ZNF451: variants seen among roughly 807,000 people sequenced by gnomAD.
ZNF451 encodes zinc finger protein 451.
A neutral mutation model predicts 107.1 loss-of-function variants in ZNF451; 80 were observed. The ratio of observed to expected loss-of-function variants is 0.75; its 90% CI spans 0.62 to 0.90. The LOEUF (loss-of-function observed/expected upper bound fraction) is 0.90. Among genes scored for constraint, ZNF451 ranks in the 40% least tolerant of loss-of-function variants. ZNF451 has a pLI of 0.00. For synonymous variants in ZNF451, 362 were observed against 406.5 expected, an observed-to-expected ratio of 0.89 and a Z score of 1.32; for missense variants, 1,107 against 1,236.2, an observed-to-expected ratio of 0.90 and a Z score of 1.57.
chr6:57,128,584 A>C (rs980738485), intron 4 of ZNF451, 145 bp from the exon 5 acceptor site: 4 of 607,754 alleles, frequency 6.6e-6, no homozygotes, highest in Non-Finnish European at 8.6e-6. Flanking sequence ...TTTTATTTTG[A>C]TGTATTTCTT....
chr6:57,147,261 C>G lies in ZNF451; in HGVS notation c.1176C>G (p.Asn392Lys). 1 of 1,614,084 alleles carries G rather than the reference C, an allele frequency of 6.2e-7. No homozygotes were observed. The highest frequency in any genetic ancestry group is 8.5e-7 in the Non-Finnish European group (1 of 1,179,988). The change falls in exon 10 of 15, where the codon AAC becomes AAG. Residue 392 changes from asparagine to lysine, a missense_variant. Around this residue, in one of 5 missense-constraint regions of ZNF451, gnomAD observed 608 missense variants for 649.2 expected, o/e 0.94. Transcript: ENST00000370706. ...QNSGHKVRVI[N>K]SVEESVLLYC... Reference sequence around the variant, plus strand: ...CAGGACACAAAGTCCGAGTCATTAACTCAGTGGAAGAATCAGTCTTACTCT... The same window carrying G: ...CAGGACACAAAGTCCGAGTCATTAAGTCAGTGGAAGAATCAGTCTTACTCT...
intron 4 of ZNF451, among the ~76,000 whole-genome samples, chr6:57,127,416 TG>T (rs1830982109): frequency 5.3e-5 from 8 of 152,226 alleles, no homozygotes. Flanking sequence ...ATTTGAACAA[TG>T]TTATGTAGAT....
chr6:57,138,723 A>ATGTGTGTG (rs1562615442), intron 7 of ZNF451, among the ~76,000 whole-genome samples: 3 of 116,988 alleles, frequency 2.6e-5, no homozygotes, highest in Non-Finnish European at 5.3e-5. Context: ...ATATATATAT[A>ATGTGTGTG]TATATATATA....
At chr6:57,102,135 C>G (rs1829629372) in intron 3 of ZNF451, 4 of 1,458,534 alleles carry the variant, frequency 2.7e-6, no homozygotes, top group South Asian at 1.5e-5. Flanking sequence ...CATTCAAGAT[C>G]CTAACTATTT....
At position 57,150,704 on chromosome 6, in the gene ZNF451, T is replaced by C. The variant is rs1012603297; in HGVS notation, c.2609-15T>C. 2.5e-6 allele frequency: 4 copies of C among 1,584,394 alleles called. No individual in the cohort carries two copies. Among genetic ancestry groups the C allele is most frequent in the African/African-American group, 1.4e-5 (1 of 73,276 alleles). On this transcript the variant is annotated splice_polypyrimidine_tract_variant and intron_variant, in intron 10 of 14. Transcript: ENST00000370706. Reference sequence around the variant, plus strand: ...AATTCTTACTGAACTCATGTTGATATTTCTCTCTTCTCAGAGGAAGAAATT... The same window carrying C: ...AATTCTTACTGAACTCATGTTGATACTTCTCTCTTCTCAGAGGAAGAAATT...
intron 3 of ZNF451, chr6:57,104,662 A>G (rs569327753): frequency 8.1e-6 from 8 of 985,024 alleles, no homozygotes; most frequent in South Asian, 9.4e-5. Context: ...TTTTAAGCGT[A>G]TGGTAGTGTT....
Position 57,158,312 on chromosome 6 carries a change from G to C in ZNF451, c.3071-2772G>C, listed in dbSNP as rs540143625. ...AGGGACATTGCAGAGTTTATATAAAGATATCAAACAAGTTTTTTATTTTTA... is the reference window on the plus strand; with the variant it reads ...AGGGACATTGCAGAGTTTATATAAACATATCAAACAAGTTTTTTATTTTTA... On this transcript the variant is annotated intron_variant, in intron 13 of 14. Coordinates refer to ENST00000370706, the MANE Select transcript of ZNF451 (RefSeq NM_001031623.3). Among the ~76,000 whole-genome samples, 4 of 151,544 alleles carry C rather than the reference G, an allele frequency of 2.6e-5. No homozygotes were observed. In the South Asian group the frequency reaches 8.3e-4, roughly 32 times the overall value.
chr6:57,141,789 T>C (rs1831776850), intron 8 of ZNF451, among the ~76,000 whole-genome samples, 159 bp from the exon 9 acceptor site: 1 of 152,204 alleles, frequency 6.6e-6, no homozygotes, highest in South Asian at 2.1e-4. Flanking sequence ...GCATTCTTTG[T>C]ATTTAAGGCT....
At chr6:57,118,678 C>T (rs1313422910) in intron 3 of ZNF451, among the ~76,000 whole-genome samples, 1 of 151,812 alleles carries the variant, frequency 6.6e-6, no homozygotes, top group East Asian at 1.9e-4. Flanking sequence ...GAGACGAGGC[C>T]TTGCACTGTT....
In ZNF451 at chr6:57,147,738, TG is replaced by T; in HGVS notation, c.1654del (p.Glu552AsnfsTer15). On this transcript the variant is annotated frameshift_variant, in exon 10 of 15. Transcript: ENST00000370706. LOFTEE classifies it high-confidence loss of function. The stretch of plus-strand genomic sequence containing the variant: ...AAGATACTATCATGGCACATGTGAC[TG>T]AATTTCATAATGGACACAGATATTT... ...RKDTIMAHVT[E>X]FHNGHRYFYE... The T allele has an allele frequency of 6.2e-7, 1 of 1,613,960 alleles. No individual in the cohort carries two copies. Among genetic ancestry groups the T allele is most frequent in the Non-Finnish European group, 8.5e-7 (1 of 1,179,982 alleles).
At chr6:57,130,656 C>G (rs1291645376) in intron 5 of ZNF451, among the ~76,000 whole-genome samples, 2 of 152,166 alleles carry the variant, frequency 1.3e-5, no homozygotes, top group Non-Finnish European at 2.9e-5. Context: ...AGCTTAATAT[C>G]TGGCCTCCAG....
At chr6:57,124,966 A>C in intron 4 of ZNF451, 107 bp downstream of exon 4, 1 of 671,284 alleles carries the variant, frequency 1.5e-6, no homozygotes, top group Non-Finnish European at 2.2e-6. Flanking sequence ...AAAGCTCAGT[A>C]TGTACCCTAG....
In ZNF451 at chr6:57,109,628, T is replaced by C. The variant is rs576157965; in HGVS notation, c.186+10487T>C. The stretch of plus-strand genomic sequence containing the variant: ...GCATGTAAATGTTCATTTCATGCCA[T>C]GTGATCATGTTCCCCTTTATGATTT... On this transcript the variant is annotated intron_variant, in intron 3 of 14. Transcript: ENST00000370706. 11 of 985,446 alleles carry C rather than the reference T, an allele frequency of 1.1e-5. No homozygotes were observed. The Admixed American group carries it at 2.5e-4, about 22-fold the overall frequency. The allele number at this position is 985,446 out of a possible 1,614,324, so 61.0% of individuals were successfully genotyped here. A position where few individuals can be genotyped will look rare whatever the true frequency, so the allele number is the denominator to read the frequency against.
intron 3 of ZNF451, among the ~76,000 whole-genome samples, chr6:57,113,400 T>C (rs959176595): frequency 6.6e-6 from 1 of 152,060 alleles, no homozygotes; most frequent in African/African-American, 2.4e-5. Flanking sequence ...AATATTGTTT[T>C]CTAGAAATTG....
intron 5 of ZNF451, among the ~76,000 whole-genome samples, chr6:57,130,502 T>A (rs564933266): frequency 3.9e-5 from 6 of 152,142 alleles, no homozygotes; most frequent in Non-Finnish European, 8.8e-5. Flanking sequence ...TCTGTACTTT[T>A]GGGAAAGATC....
Position 57,148,197 on chromosome 6 carries a change from A to C in ZNF451, c.2112A>C (p.Ser704=), listed in dbSNP as rs1450861238. ...YVFVSEKTET[S]IKTEDDFPVI... is the part of the protein sequence containing the mutation. ...TTGTGTCAGAAAAAACTGAAACTTC[A>C]ATTAAAACCGAAGATGATTTTCCAG... is the stretch of plus-strand genomic sequence containing the variant. Residue 704 remains serine, a synonymous_variant, in exon 10 of 15, where the codon TCA becomes TCC. Coordinates refer to ENST00000370706, the MANE Select transcript of ZNF451 (RefSeq NM_001031623.3). 5 of 1,613,958 alleles carry C rather than the reference A, an allele frequency of 3.1e-6. No homozygotes were observed. The highest frequency in any genetic ancestry group is 1.3e-5 in the African/African-American group (1 of 74,948).
At chr6:57,110,080 T>G (rs917438013) in intron 3 of ZNF451, among the ~76,000 whole-genome samples, 2 of 152,144 alleles carry the variant, frequency 1.3e-5, no homozygotes, top group East Asian at 3.9e-4. Flanking sequence ...TTACCAAGTG[T>G]GTGAGCTGAG....
chr6:57,166,496 A>T (rs760515427), intron 14 of ZNF451, among the ~76,000 whole-genome samples: 1 of 152,190 alleles, frequency 6.6e-6, no homozygotes, highest in African/African-American at 2.4e-5. Context: ...TCCTTATTCT[A>T]TAAGCTTTTC....
At chr6:57,136,347 C>G (rs903689226) in intron 7 of ZNF451, among the ~76,000 whole-genome samples, 2 of 151,416 alleles carry the variant, frequency 1.3e-5, no homozygotes, top group African/African-American at 4.9e-5. Context: ...TTTTAGAGAC[C>G]CTGAAGAGAC....
Sources: gnomAD v4.1 joint callset for allele counts (sites outside exome capture counted in the v4.1 genomes callset) on GRCh38, gnomAD v4.1.1 for gene constraint, gnomAD v4.1.1 regional missense constraint, MANE v1.5 for transcripts, NCBI Gene and HGNC (gene_info 2026-07-23, HGNC 2026-07-21) for gene names.